Variants in SYT14 observed in about 807,000 individuals in gnomAD.
SYT14 encodes the protein synaptotagmin 14.
SYT14 carries 32 observed loss-of-function variants against 74.2 expected under a neutral mutation model. That is an observed-to-expected ratio of 0.43 (90% confidence interval 0.33 to 0.58). SYT14 has a LOEUF of 0.58. Ranked by LOEUF, SYT14 falls within the 20% of genes least tolerant of loss-of-function variation. The pLI, the probability that SYT14 is intolerant of heterozygous loss-of-function variation, is 0.05. For missense variants in SYT14, 791 were observed against 981.8 expected (o/e 0.81, Z 2.60); for synonymous variants, 298 against 337.7 (o/e 0.88, Z 1.29).
chr1:210,042,711 A>G (rs1163875695), intron 5 of SYT14, among the ~76,000 whole-genome samples: 2 of 152,120 alleles, frequency 1.3e-5, no homozygotes, highest in Admixed American at 6.5e-5. Flanking sequence ...CCATTGGTCT[A>G]TGTATCTGTT....
intron 5 of SYT14, among the ~76,000 whole-genome samples, chr1:210,088,684 A>G (rs991066720): frequency 6.6e-6 from 1 of 152,004 alleles, no homozygotes; most frequent in Non-Finnish European, 1.5e-5. Flanking sequence ...TGTCCTTTGC[A>G]TGGACATGGA....
chr1:210,126,479 C>G (rs1270446508), intron 7 of SYT14, among the ~76,000 whole-genome samples: 2 of 152,070 alleles, frequency 1.3e-5, no homozygotes, highest in Non-Finnish European at 2.9e-5. Flanking sequence ...ATCATTATAT[C>G]TTTGTAACAC....
chr1:210,169,546 C>T (rs147745502), exon 10 of SYT14: 3 of 151,702 alleles, frequency 2.0e-5, no homozygotes, highest in Non-Finnish European at 2.9e-5. Context: ...TAGTAGCTTG[C>T]GTTATAAAAT....
intron 5 of SYT14, among the ~76,000 whole-genome samples, chr1:210,084,032 G>A (rs759452289): frequency 6.6e-6 from 1 of 152,080 alleles, no homozygotes; most frequent in Non-Finnish European, 1.5e-5. Flanking sequence ...AAATCTATAG[G>A]CCTCCACTGC....
chr1:210,129,071 A>T (rs1169805168), intron 7 of SYT14, among the ~76,000 whole-genome samples: 2 of 152,212 alleles, frequency 1.3e-5, no homozygotes, highest in Admixed American at 1.3e-4. Context: ...TATAGTAAAA[A>T]TATTAAGAAA....
chr1:210,132,246 G>C (rs948911836), intron 7 of SYT14, among the ~76,000 whole-genome samples: 1 of 152,000 alleles, frequency 6.6e-6, no homozygotes. Context: ...CCACCAGGCT[G>C]CCCATCTGGG....
At chr1:209,957,687 A>G (rs1172019257) in intron 2 of SYT14, among the ~76,000 whole-genome samples, 1 of 152,110 alleles carries the variant, frequency 6.6e-6, no homozygotes, top group Non-Finnish European at 1.5e-5. Context: ...TCAGCCTCCC[A>G]AAGTGCTGGG....
intron 7 of SYT14, among the ~76,000 whole-genome samples, chr1:210,123,918 T>A (rs2082515708): frequency 1.3e-5 from 2 of 152,046 alleles, no homozygotes; most frequent in African/African-American, 4.8e-5. Context: ...CAAATTTTTT[T>A]AAAAGAGAAA....
chr1:209,942,487 C>T (rs940441983), intron 1 of SYT14, among the ~76,000 whole-genome samples: 19 of 151,342 alleles, frequency 1.3e-4, no homozygotes, highest in African/African-American at 4.1e-4. Context: ...CTGTTGATAA[C>T]TAAGTCCTGC....
intron 7 of SYT14, among the ~76,000 whole-genome samples, chr1:210,143,658 CG>C (rs2082968277): frequency 1.3e-5 from 2 of 151,994 alleles, no homozygotes; most frequent in South Asian, 4.2e-4. Flanking sequence ...GAAACTGGGT[CG>C]GCAGGGGGCA....
intron 1 of SYT14, among the ~76,000 whole-genome samples, chr1:209,943,996 T>C (rs1361868189): frequency 6.6e-6 from 1 of 152,188 alleles, no homozygotes; most frequent in Non-Finnish European, 1.5e-5. Flanking sequence ...TGAACAAATT[T>C]CTAAGAGCCA....
At chr1:210,002,194 C>T (rs1301686212) in intron 2 of SYT14, among the ~76,000 whole-genome samples, 1 of 152,122 alleles carries the variant, frequency 6.6e-6, no homozygotes, top group Non-Finnish European at 1.5e-5. Flanking sequence ...TACTTAAAAG[C>T]AAGCACCTAT....
exon 10 of SYT14, chr1:210,163,025 A>G (rs768156011): frequency 2.2e-6 from 1 of 453,666 alleles, no homozygotes; most frequent in Non-Finnish European, 4.4e-6. Context: ...AAAAGACTTG[A>G]AGAGGGGATG....
intron 5 of SYT14, among the ~76,000 whole-genome samples, chr1:210,074,221 C>T (rs989488028): frequency 2.6e-5 from 4 of 152,136 alleles, no homozygotes; most frequent in Non-Finnish European, 4.4e-5. Context: ...TGAAGCACTG[C>T]GCAAAGCACT....
chr1:210,158,020 G>A (rs2083302166), intron 8 of SYT14, among the ~76,000 whole-genome samples: 1 of 152,136 alleles, frequency 6.6e-6, no homozygotes, highest in Non-Finnish European at 1.5e-5. Context: ...ACTCCCCTAA[G>A]TCTGTTTCTT....
At position 210,149,928 on chromosome 1, in the gene SYT14, A is replaced by G. The variant is rs756164411; in HGVS notation, c.2035-5793A>G. Among the ~76,000 whole-genome samples the G allele has an allele frequency of 8.5e-5, 13 of 152,220 alleles. 1 individual carries two copies. Among genetic ancestry groups the G allele is most frequent in the Non-Finnish European group, 1.2e-4 (8 of 68,038 alleles). On this transcript the variant is annotated intron_variant, in intron 7 of 9. Coordinates refer to ENST00000637265, the Ensembl canonical transcript of SYT14. The stretch of plus-strand genomic sequence containing the variant: ...AAGCAGGGACAGACAACTCAGTTGA[A>G]TGGGCTCTGTAGTTGACGTCTGTTT...
intron 2 of SYT14, among the ~76,000 whole-genome samples, chr1:210,003,750 A>G (rs2079942456): frequency 1.3e-5 from 2 of 152,154 alleles, no homozygotes; most frequent in Non-Finnish European, 2.9e-5. Flanking sequence ...TGCTCTCTTT[A>G]AGCCATTGCA....
At position 210,151,917 on chromosome 1, in the gene SYT14, A is replaced by G. The variant is rs186950247; in HGVS notation, c.2035-3804A>G. 1.3e-3 allele frequency among the ~76,000 whole-genome samples: 191 copies of G among 152,276 alleles called. 2 individuals are homozygous for G. The highest frequency in any genetic ancestry group is 2.3e-3 in the Non-Finnish European group (154 of 68,012). On this transcript the variant is annotated intron_variant, in intron 7 of 9. Transcript: ENST00000637265. ...CGCTTTGTTTCTCAAAAGTGGCAGT[A>G]TGACTTCTGTGTATAAACAACTATT... is the stretch of plus-strand genomic sequence containing the variant.
intron 2 of SYT14, among the ~76,000 whole-genome samples, chr1:209,956,952 C>A (rs768307494): frequency 1.1e-4 from 17 of 150,054 alleles, no homozygotes; most frequent in Non-Finnish European, 1.6e-4. Flanking sequence ...CTTTTTTTTT[C>A]ATTTCCCCTT....
Sources: gnomAD v4.1 joint callset for allele counts (sites outside exome capture counted in the v4.1 genomes callset) on GRCh38, gnomAD v4.1.1 for gene constraint, MANE v1.5 for transcripts, NCBI Gene and HGNC (gene_info 2026-07-23, HGNC 2026-07-21) for gene names.